KDM4C: variants seen among roughly 807,000 people sequenced by gnomAD.
The protein encoded by KDM4C is lysine-specific demethylase 4C.
A neutral mutation model predicts 129.3 loss-of-function variants in KDM4C; 81 were observed. The observed-to-expected ratio is 0.63, with a 90% confidence interval of 0.52 to 0.75. The LOEUF is 0.75. Among genes scored for constraint, KDM4C ranks in the 30% least tolerant of loss-of-function variants. The pLI is 0.00. For missense variants in KDM4C, 1,457 were observed against 1,304.0 expected (o/e 1.12, Z -1.81); for synonymous variants, 573 against 456.1 (o/e 1.26, Z -3.26).
At chr9:6,956,690 C>T (rs902270279) in intron 8 of KDM4C, among the ~76,000 whole-genome samples, 5 of 152,178 alleles carry the variant, frequency 3.3e-5, no homozygotes, top group African/African-American at 7.2e-5. Context: ...AATATTTTTA[C>T]AGAAAGATAT....
intron 3 of KDM4C, among the ~76,000 whole-genome samples, chr9:6,807,822 C>A (rs1830338128): frequency 6.7e-6 from 1 of 149,098 alleles, no homozygotes; most frequent in Non-Finnish European, 1.5e-5. Context: ...CCCGGCCAGC[C>A]GCCCCATCCG....
chr9:6,769,591 G>T (rs538841911), intron 1 of KDM4C, among the ~76,000 whole-genome samples: 2 of 152,026 alleles, frequency 1.3e-5, no homozygotes, highest in African/African-American at 4.8e-5. Flanking sequence ...ATATGTTAAA[G>T]CACAGTAAAG....
At chr9:6,974,621 G>A (rs945087441) in intron 8 of KDM4C, 3 of 152,228 alleles carry the variant, frequency 2.0e-5, no homozygotes, top group African/African-American at 7.2e-5. Flanking sequence ...GCCTCTGAAA[G>A]TGCTGGGATT....
intron 21 of KDM4C, chr9:7,170,872 G>A (rs1465047081): frequency 1.0e-5 from 5 of 497,898 alleles, no homozygotes; most frequent in Non-Finnish European, 1.3e-5. Context: ...AAGAAGAATT[G>A]TCTTTGGCCT....
chr9:7,081,776 C>G (rs1834547545), intron 17 of KDM4C, among the ~76,000 whole-genome samples: 1 of 152,152 alleles, frequency 6.6e-6, no homozygotes, highest in Non-Finnish European at 1.5e-5. Context: ...AAGCATGTGT[C>G]TAAAGCCTTG....
At chr9:7,151,258 G>T (rs1039791512) in intron 19 of KDM4C, among the ~76,000 whole-genome samples, 1 of 152,070 alleles carries the variant, frequency 6.6e-6, no homozygotes, top group African/African-American at 2.4e-5. Context: ...AATAGGTATA[G>T]CTGTGTATGA....
At chr9:7,067,256 C>T (rs1832550531) in intron 17 of KDM4C, among the ~76,000 whole-genome samples, 1 of 152,142 alleles carries the variant, frequency 6.6e-6, no homozygotes, top group Non-Finnish European at 1.5e-5. Context: ...TGCTTTTAGC[C>T]TCAGGCTGAT....
At chr9:6,774,792 A>G (rs1055152965) in intron 1 of KDM4C, among the ~76,000 whole-genome samples, 6 of 152,222 alleles carry the variant, frequency 3.9e-5, no homozygotes, top group East Asian at 1.9e-4. Context: ...GTATAGTTCT[A>G]TGAATTCACC....
rs1339216774 is a variant in KDM4C, at chr9:6,928,996, G to A, written c.921+35764G>A. 2.0e-5 allele frequency among the ~76,000 whole-genome samples: 3 copies of A among 152,084 alleles called. 1 individual carries two copies. Among genetic ancestry groups the A allele is most frequent in the East Asian group, 3.9e-4 (2 of 5,194 alleles). Reference sequence around the variant, plus strand: ...GTAAAACCAAGTTACCTTGCACCTCGTACCTGTGCTGCTTCATCTTCCTGC... The same window carrying A: ...GTAAAACCAAGTTACCTTGCACCTCATACCTGTGCTGCTTCATCTTCCTGC... On this transcript the variant is annotated intron_variant, in intron 8 of 21. Coordinates refer to ENST00000381309, the MANE Select transcript of KDM4C (RefSeq NM_015061.6).
At chr9:6,809,849 T>G (rs1360262381) in intron 3 of KDM4C, among the ~76,000 whole-genome samples, 1 of 152,034 alleles carries the variant, frequency 6.6e-6, no homozygotes, top group Non-Finnish European at 1.5e-5. Flanking sequence ...AATACAAAAA[T>G]TAGCCAGGCA....
Position 6,967,754 on chromosome 9 carries a change from G to T in KDM4C, c.922-13171G>T, listed in dbSNP as rs1002493662. On this transcript the variant is annotated intron_variant, in intron 8 of 21. Transcript: ENST00000381309. ...GAGCCCTATTATCCTCGAGTTCAGA[G>T]TTCAGAAGATCCGGGATGATACACA... Among the ~76,000 whole-genome samples, 10 of 152,256 alleles carry T rather than the reference G, an allele frequency of 6.6e-5. No homozygotes were observed. The East Asian group carries it at 1.7e-3, about 26-fold the overall frequency.
intron 5 of KDM4C, among the ~76,000 whole-genome samples, chr9:6,864,881 T>A (rs1326019242): frequency 2.0e-5 from 3 of 152,010 alleles, no homozygotes; most frequent in Non-Finnish European, 2.9e-5. Context: ...GTTTCTTTCC[T>A]CTGCTTGATC....
intron 15 of KDM4C, among the ~76,000 whole-genome samples, chr9:7,045,432 C>G (rs575721664): frequency 6.6e-6 from 1 of 152,050 alleles, no homozygotes; most frequent in Non-Finnish European, 1.5e-5. Context: ...TTCTCACCTC[C>G]TCTTTCTCTG....
chr9:6,961,519 A>G (rs896355222), intron 8 of KDM4C, among the ~76,000 whole-genome samples: 1 of 152,242 alleles, frequency 6.6e-6, no homozygotes, highest in Non-Finnish European at 1.5e-5. Flanking sequence ...GTAACATTGT[A>G]ACTATTTCTC....
At chr9:6,886,473 C>T (rs974159910) in intron 6 of KDM4C, among the ~76,000 whole-genome samples, 7 of 150,156 alleles carry the variant, frequency 4.7e-5, no homozygotes, top group African/African-American at 1.5e-4. Context: ...CCACCATGCC[C>T]GCCTAATTTT....
chr9:6,740,243 G>C (rs554620196), intron 1 of KDM4C, among the ~76,000 whole-genome samples: 299 of 148,098 alleles, frequency 2.0e-3, no homozygotes, highest in African/African-American at 7.2e-3. Flanking sequence ...TTGCTCTGTT[G>C]CCCAGGCTGG....
At chr9:6,966,520 A>C (rs180971691) in intron 8 of KDM4C, among the ~76,000 whole-genome samples, 10 of 152,362 alleles carry the variant, frequency 6.6e-5, no homozygotes, top group Non-Finnish European at 1.3e-4. Flanking sequence ...CAGCCACTGC[A>C]GTAAGCCAAG....
intron 1 of KDM4C, among the ~76,000 whole-genome samples, chr9:6,770,120 A>G (rs747345966): frequency 6.6e-6 from 1 of 152,048 alleles, no homozygotes; most frequent in Non-Finnish European, 1.5e-5. Context: ...TGGAGGTTGC[A>G]GTGAGCTGAG....
At chr9:7,111,150 T>C (rs1030477627) in intron 18 of KDM4C, among the ~76,000 whole-genome samples, 6 of 152,212 alleles carry the variant, frequency 3.9e-5, no homozygotes, top group African/African-American at 1.4e-4. Flanking sequence ...GGGAAACATT[T>C]ATTTAATACA....
Sources: gnomAD v4.1 joint callset for allele counts (sites outside exome capture counted in the v4.1 genomes callset) on GRCh38, gnomAD v4.1.1 for gene constraint, MANE v1.5 for transcripts, NCBI Gene and HGNC (gene_info 2026-07-23, HGNC 2026-07-21) for gene names.